Variants in COQ4 observed in about 807,000 individuals in gnomAD.
COQ4 encodes the protein ubiquinone biosynthesis protein COQ4 homolog, mitochondrial.
Under a neutral mutation model 30.2 loss-of-function variants are expected in COQ4, and 36 were observed. That is an observed-to-expected ratio of 1.19 (90% CI 0.91 to 1.57). The LOEUF (loss-of-function observed/expected upper bound fraction) is 1.57. Among genes scored for constraint, COQ4 ranks in the 40% most tolerant of loss-of-function variants. COQ4 has a pLI of 0.00. For missense variants in COQ4, 369 were observed against 371.9 expected (o/e 0.99, Z 0.07); for synonymous variants, 197 against 161.0 (o/e 1.22, Z -1.69).
chr9:128,329,392 TA>T (rs1220908671), intron 4 of COQ4, among the ~76,000 whole-genome samples: 1 of 152,198 alleles, frequency 6.6e-6, no homozygotes, highest in Admixed American at 6.5e-5. Context: ...TTTATTTATT[TA>T]TTTTTTTGAG....
In COQ4 at chr9:128,333,654, G is replaced by A; in HGVS notation, c.*9G>A. 1 of 1,524,022 alleles carries A rather than the reference G, an allele frequency of 6.6e-7. No homozygotes were observed. Among genetic ancestry groups the A allele is most frequent in the Non-Finnish European group, 8.8e-7 (1 of 1,140,900 alleles). The allele number at this position is 1,524,022 out of a possible 1,614,324, so 94.4% of individuals were successfully genotyped here. The stretch of plus-strand genomic sequence containing the variant: ...TCCAGGGCTTGGCCTGAGCTCCTGA[G>A]CCAGCGGGGCCTGGCCTACCTCCCC... On this transcript the variant is annotated 3_prime_UTR_variant, in exon 7 of 7. Coordinates refer to ENST00000300452, the MANE Select transcript of COQ4 (RefSeq NM_016035.5).
intron 4 of COQ4, among the ~76,000 whole-genome samples, chr9:128,328,389 C>G (rs968331828): frequency 2.0e-5 from 3 of 152,252 alleles, no homozygotes; most frequent in Non-Finnish European, 2.9e-5. Context: ...GCGAGCCAGT[C>G]TGGCTGATGG....
At chr9:128,332,743 C>A in intron 5 of COQ4, 107 bp from the exon 6 acceptor site, 1 of 891,132 alleles carries the variant, frequency 1.1e-6, no homozygotes, top group South Asian at 1.4e-5. Context: ...CACAGCTGAC[C>A]CCGTAGAGAT....
At chr9:128,326,976 G>C (rs1203347200) in intron 4 of COQ4, among the ~76,000 whole-genome samples, 1 of 150,960 alleles carries the variant, frequency 6.6e-6, no homozygotes, top group Non-Finnish European at 1.5e-5. Context: ...TTGAACTCCT[G>C]ACCTCAAGTG....
At chr9:128,333,387 A>C in intron 6 of COQ4, 87 bp from the exon 7 acceptor site, 1 of 1,238,192 alleles carries the variant, frequency 8.1e-7, no homozygotes, top group East Asian at 2.6e-5. Context: ...CTTTGTGAGG[A>C]TGAACTGAGA....
At chr9:128,326,048 G>C in intron 4 of COQ4, 167 bp downstream of exon 4, 1 of 652,994 alleles carries the variant, frequency 1.5e-6, no homozygotes. Context: ...GCAAATGGGT[G>C]GGAACATGCC....
intron 4 of COQ4, 174 bp from the exon 5 acceptor site, chr9:128,331,979 T>C (rs572327765): frequency 3.1e-6 from 2 of 645,388 alleles, no homozygotes; most frequent in East Asian, 5.8e-5. Context: ...TCCGCCCACC[T>C]TAGCCTCCCA....
chr9:128,325,999 C>G, intron 4 of COQ4, 118 bp downstream of exon 4: 1 of 870,746 alleles, frequency 1.1e-6, no homozygotes, highest in East Asian at 2.6e-5. Context: ...GAGTGCTCTT[C>G]AGGCTCATGC....
intron 4 of COQ4, 38 bp downstream of exon 4, chr9:128,325,919 A>G (rs1832312584): frequency 6.4e-7 from 1 of 1,557,734 alleles, no homozygotes. Flanking sequence ...CAGTCACCAG[A>G]CAGGACAGAG....
rs774395996 is a variant in COQ4, at chr9:128,332,183, C to G, written c.433C>G (p.Arg145Gly). Residue 145 changes from arginine to glycine, a missense_variant, in exon 5 of 7, where the codon CGC becomes GGC. Transcript: ENST00000300452. The part of the protein sequence containing the change: ...RVSPDTRAPT[R>G]FVDDEELAYV... ...CTCCCCAGACACCCGAGCACCCACC[C>G]GCTTCGTGGATGATGAGGAGCTAGC... is the stretch of plus-strand genomic sequence containing the variant. 1 of 1,592,214 alleles carries G rather than the reference C, an allele frequency of 6.3e-7. No individual in the cohort carries two copies. Among genetic ancestry groups the G allele is most frequent in the South Asian group, 1.1e-5 (1 of 87,760 alleles).
At chr9:128,329,300 A>G (rs139965891) in intron 4 of COQ4, among the ~76,000 whole-genome samples, 1 of 152,176 alleles carries the variant, frequency 6.6e-6, no homozygotes, top group South Asian at 2.1e-4. Flanking sequence ...CTTTGTTTCA[A>G]ATGCTGACTC....
intron 5 of COQ4, 130 bp from the exon 6 acceptor site, chr9:128,332,720 G>T: frequency 1.3e-6 from 1 of 774,984 alleles, no homozygotes; most frequent in Non-Finnish European, 2.3e-6. Flanking sequence ...GCCCAGCACA[G>T]GCCAGGACTG....
chr9:128,328,677 C>T (rs1261332392), intron 4 of COQ4, among the ~76,000 whole-genome samples: 1 of 152,220 alleles, frequency 6.6e-6, no homozygotes, highest in African/African-American at 2.4e-5. Context: ...TCCTCACAGT[C>T]TCCTGCACAG....
intron 4 of COQ4, among the ~76,000 whole-genome samples, chr9:128,330,101 T>G (rs1588542555): frequency 6.6e-6 from 1 of 151,868 alleles, no homozygotes; most frequent in Non-Finnish European, 1.5e-5. Context: ...CTGGGCACGG[T>G]GGCTCACAAC....
chr9:128,326,600 G>A (rs962503902), intron 4 of COQ4, among the ~76,000 whole-genome samples: 3 of 152,008 alleles, frequency 2.0e-5, no homozygotes, highest in African/African-American at 4.8e-5. Context: ...CCGCCACGAC[G>A]CCCGGCTAAT....
Position 128,325,196 on chromosome 9 carries a change from A to G in COQ4, c.256A>G (p.Arg86Gly). The G allele has an allele frequency of 6.2e-7, 1 of 1,614,168 alleles. No homozygotes were observed. Among genetic ancestry groups the G allele is most frequent in the Non-Finnish European group, 8.5e-7 (1 of 1,180,004 alleles). Residue 86 changes from arginine (R) to glycine (G), a missense_variant, in exon 3 of 7, where the codon AGG becomes GGG. By Grantham distance (125) the Arg-to-Gly change is moderately radical. Transcript: ENST00000300452. ...TTGHRTLKVL[R>G]DQMRRDPEGA... ...AGGACACCGCACCCTGAAGGTCCTC[A>G]GGGACCAGATGAGGAGGGATCCAGA...
intron 2 of COQ4, 108 bp downstream of exon 2, chr9:128,323,255 AC>A: frequency 9.4e-7 from 1 of 1,069,478 alleles, no homozygotes; most frequent in Non-Finnish European, 1.3e-6. Context: ...GCAGCTCGTA[AC>A]CACTCGGAAC....
rs1832422402 is a variant in COQ4, at chr9:128,332,092, C to G, written c.403-61C>G. 4 of 1,531,728 alleles carry G rather than the reference C, an allele frequency of 2.6e-6. No individual in the cohort carries two copies. The African/African-American group carries it at 4.1e-5, about 16-fold the overall frequency. 94.9% of individuals were successfully genotyped at this position (1,531,728 alleles called of 1,614,324 possible). ...GAGTTGTGACGGTGTCAGAGACAGA[C>G]TGGCAAATCGGGCCCTGGGAACCAT... On this transcript the variant is annotated intron_variant, in intron 4 of 6. Coordinates refer to ENST00000300452, the MANE Select transcript of COQ4 (RefSeq NM_016035.5).
Position 128,333,513 on chromosome 9 carries a change from C to T in COQ4, c.666C>T (p.Ala222=), listed in dbSNP as rs563930491. ...QVLVSELIPW[A]VQNGRRAPCV... The stretch of plus-strand genomic sequence containing the variant: ...TGGTCTCGGAGTTGATCCCATGGGC[C>T]GTTCAGAACGGGCGCAGAGCCCCAT... Residue 222 remains alanine (A), a synonymous_variant, in exon 7 of 7, where the codon GCC becomes GCT. Coordinates refer to ENST00000300452, the MANE Select transcript of COQ4 (RefSeq NM_016035.5). The T allele has an allele frequency of 4.4e-5, 69 of 1,583,138 alleles. No individual in the cohort carries two copies. The highest frequency in any genetic ancestry group is 5.6e-5 in the Non-Finnish European group (65 of 1,166,278).
Sources: allele counts gnomAD v4.1 joint callset (sites outside exome capture counted in the v4.1 genomes callset), GRCh38; gene constraint gnomAD v4.1.1; transcripts MANE v1.5; gene names NCBI Gene and HGNC (gene_info 2026-07-23, HGNC 2026-07-21).